The following DDX39B variants were observed in gnomAD, a reference collection of about 807,000 sequenced individuals.
DDX39B encodes spliceosome RNA helicase DDX39B.
A neutral mutation model predicts 46.4 loss-of-function variants in DDX39B; 6 were observed. The observed-to-expected ratio is 0.13, with a 90% CI of 0.07 to 0.26. The LOEUF (loss-of-function observed/expected upper bound fraction) is 0.26. Among genes scored for constraint, DDX39B ranks in the 10% least tolerant of loss-of-function variants. DDX39B has a pLI of 1.00. For synonymous variants in DDX39B, 174 were observed against 199.4 expected, an observed-to-expected ratio of 0.87 and a Z score of 1.07; for missense variants, 185 against 553.4, an observed-to-expected ratio of 0.33 and a Z score of 6.68.
rs1227894921 is a variant in DDX39B, at chr6:31,535,548, G to C, written c.617-63C>G. 6 of 1,323,320 alleles carry C rather than the reference G, an allele frequency of 4.5e-6. No individual in the cohort carries two copies. The highest frequency in any genetic ancestry group is 1.2e-5 in the South Asian group (1 of 81,458). 82.0% of individuals were successfully genotyped at this position (1,323,320 alleles called of 1,614,324 possible). On this transcript the variant is annotated intron_variant, in intron 5 of 10. Coordinates refer to ENST00000396172, the MANE Select transcript of DDX39B (RefSeq NM_004640.7). This position sits in a 1 kb window ranked among gnomAD's most constrained non-coding sequence, Gnocchi z 4.6. The stretch of plus-strand genomic sequence containing the variant: ...GCAGGTATGATAAACAAAGATTAGA[G>C]GTAGACTTCCCAGTGAGGTGAAGAT...
intron 1 of DDX39B, chr6:31,540,918 C>A: frequency 2.5e-6 from 1 of 399,756 alleles, no homozygotes; most frequent in Non-Finnish European, 4.7e-6. Flanking sequence ...AGGGGAAGAC[C>A]AACTTATAAA....
In DDX39B at chr6:31,531,830, T is replaced by TA. The variant is rs1295518400; in HGVS notation, c.868-426_868-425insT. The TA allele has an allele frequency of 7.6e-5, 13 of 171,494 alleles. No individual in the cohort carries two copies. The East Asian group carries it at 2.0e-3, about 26-fold the overall frequency. The allele number at this position is 171,494 out of a possible 1,614,324, so 10.6% of individuals were successfully genotyped here. The stretch of plus-strand genomic sequence containing the variant: ...CTCACAAGTATATTAATTAAACACT[T>TA]TTTTGAGATGGGGTCTCACTCTGTC... On this transcript the variant is annotated intron_variant, in intron 7 of 10. Transcript: ENST00000396172. This position sits in a 1 kb window ranked among gnomAD's most constrained non-coding sequence, Gnocchi z 5.8.
chr6:31,539,702 C>T (rs1455286562), intron 2 of DDX39B, among the ~76,000 whole-genome samples: 1 of 152,146 alleles, frequency 6.6e-6, no homozygotes, highest in African/African-American at 2.4e-5. Context: ...GGTACCTGAC[C>T]CAGAAGCCAG....
In DDX39B at chr6:31,530,421, A is replaced by ATGGGCGAGTCTTCTACCGTG. The variant is rs1232964112; in HGVS notation, c.1280_*12dup. 1.2e-6 allele frequency: 2 copies of ATGGGCGAGTCTTCTACCGTG among 1,612,790 alleles called. No individual in the cohort carries two copies. Among genetic ancestry groups the ATGGGCGAGTCTTCTACCGTG allele is most frequent in the East Asian group, 4.5e-5 (2 of 44,886 alleles). ...GAAGGACAGACGGTCACATTCCAAAATGGGCGAGTCTTCTACCGTGTCTGT... is the reference window on the plus strand; with the variant it reads ...GAAGGACAGACGGTCACATTCCAAAATGGGCGAGTCTTCTACCGTGTGGGCGAGTCTTCTACCGTGTCTGT... On this transcript the variant is annotated 3_prime_UTR_variant, in exon 11 of 11. Transcript: ENST00000396172. This position sits in a 1 kb window ranked among gnomAD's most constrained non-coding sequence, Gnocchi z 4.5.
In DDX39B at chr6:31,534,573, C is replaced by T. The variant is rs1409588373; in HGVS notation, c.735+794G>A. On this transcript the variant is annotated intron_variant, in intron 6 of 10. Coordinates refer to ENST00000396172, the MANE Select transcript of DDX39B (RefSeq NM_004640.7). The surrounding 1 kb of genome is among the most constrained non-coding windows in gnomAD (Gnocchi z 5.1). Reference sequence around the variant, plus strand: ...ATCTACCACCCCATTCAGGACACCCCTCCCCAACACATATTGGGGGAAACG... The same window carrying T: ...ATCTACCACCCCATTCAGGACACCCTTCCCCAACACATATTGGGGGAAACG... 4.4e-6 allele frequency: 2 copies of T among 457,864 alleles called. No homozygotes were observed. Among genetic ancestry groups the T allele is most frequent in the South Asian group, 1.6e-5 (1 of 63,020 alleles). 28.4% of individuals were successfully genotyped at this position (457,864 alleles called of 1,614,324 possible). A position where few individuals can be genotyped will look rare whatever the true frequency, so the allele number is the denominator to read the frequency against.
intron 4 of DDX39B, among the ~76,000 whole-genome samples, chr6:31,537,680 A>T (rs1431393951): frequency 3.3e-5 from 5 of 152,032 alleles, no homozygotes. Flanking sequence ...TTCTGGTTTC[A>T]AGGGGGAAAA....
rs1298107342 is a variant in DDX39B at position 31,532,927 on chromosome 6, G to A, written c.736-16C>T. 1 of 1,241,738 alleles carries A rather than the reference G, an allele frequency of 8.1e-7. No homozygotes were observed. The allele number at this position is 1,241,738 out of a possible 1,614,324, so 76.9% of individuals were successfully genotyped here. ...TCTCCATTGGCTGGGGGGGAGGAAG[G>A]GGGTGGGGAACGGGAGGAGGGCAGA... On this transcript the variant is annotated splice_polypyrimidine_tract_variant and intron_variant, in intron 6 of 10. Transcript: ENST00000396172.
In DDX39B at chr6:31,535,254, G is replaced by C. The variant is rs1345166418; in HGVS notation, c.735+113C>G. ...TCAAGGAGTCATTACTCCCAGTTGG[G>C]CACAAGCCGCCTTCTTGGCACTTGA... is the stretch of plus-strand genomic sequence containing the variant. On this transcript the variant is annotated intron_variant, in intron 6 of 10. Coordinates refer to ENST00000396172, the MANE Select transcript of DDX39B (RefSeq NM_004640.7). The surrounding 1 kb of genome is among the most constrained non-coding windows in gnomAD (Gnocchi z 4.6). 9.7e-7 allele frequency: 1 copy of C among 1,026,274 alleles called. No individual in the cohort carries two copies. The highest frequency in any genetic ancestry group is 1.6e-5 in the African/African-American group (1 of 63,636). 63.6% of individuals were successfully genotyped at this position (1,026,274 alleles called of 1,614,324 possible).
intron 1 of DDX39B, 130 bp downstream of exon 1, chr6:31,541,820 G>A (rs779792239): frequency 4.6e-5 from 30 of 655,372 alleles, no homozygotes; most frequent in Admixed American, 4.2e-4. Flanking sequence ...TGCAAGCTAA[G>A]GAAATAGCGA....
In DDX39B at chr6:31,535,334, G is replaced by A. The variant is rs775204872; in HGVS notation, c.735+33C>T. 2.5e-6 allele frequency: 4 copies of A among 1,591,728 alleles called. No individual in the cohort carries two copies. The highest frequency in any genetic ancestry group is 1.1e-5 in the South Asian group (1 of 90,636). ...GGAAGGGGAGGAGGCAGCGGGCGGGGAGTGGAGGGAGAGAAGGTAGAAGGG... is the reference window on the plus strand; with the variant it reads ...GGAAGGGGAGGAGGCAGCGGGCGGGAAGTGGAGGGAGAGAAGGTAGAAGGG... On this transcript the variant is annotated intron_variant, in intron 6 of 10. Coordinates refer to ENST00000396172, the MANE Select transcript of DDX39B (RefSeq NM_004640.7). The surrounding 1 kb of genome is among the most constrained non-coding windows in gnomAD (Gnocchi z 4.6).
chr6:31,539,384 T>C, intron 2 of DDX39B, 110 bp from the exon 3 acceptor site: 1 of 1,486,322 alleles, frequency 6.7e-7, no homozygotes, highest in Non-Finnish European at 9.0e-7. Flanking sequence ...AAGTCTAGTA[T>C]TTACCTGGTT....
intron 2 of DDX39B, 100 bp from the exon 3 acceptor site, chr6:31,539,374 A>T (rs1380020498): frequency 1.3e-6 from 2 of 1,521,090 alleles, no homozygotes; most frequent in Non-Finnish European, 1.8e-6. Context: ...TCAATTCTCA[A>T]AGTCTAGTAT....
rs1220017461 is a variant in DDX39B, at chr6:31,530,408, G to T, written c.*26C>A. The T allele has an allele frequency of 1.9e-6, 3 of 1,612,696 alleles. No individual in the cohort carries two copies. Among genetic ancestry groups the T allele is most frequent in the Non-Finnish European group, 1.7e-6 (2 of 1,179,830 alleles). ...GGTGTCCTCTCCTGAAGGACAGACG[G>T]TCACATTCCAAAATGGGCGAGTCTT... is the stretch of plus-strand genomic sequence containing the variant. On this transcript the variant is annotated 3_prime_UTR_variant, in exon 11 of 11. Coordinates refer to ENST00000396172, the MANE Select transcript of DDX39B (RefSeq NM_004640.7). The surrounding 1 kb of genome is among the most constrained non-coding windows in gnomAD (Gnocchi z 4.5).
chr6:31,540,619 T>C lies in DDX39B; in HGVS notation c.-87A>G. 1 of 1,255,602 alleles carries C rather than the reference T, an allele frequency of 8.0e-7. No homozygotes were observed. 77.8% of individuals were successfully genotyped at this position (1,255,602 alleles called of 1,614,324 possible). A position where few individuals can be genotyped will look rare whatever the true frequency, so the allele number is the denominator to read the frequency against. ...AAACAAGGGGTGAAGAGTAGGGGAT[T>C]GAGGAACAGCAAAGGAAAACAAAGA... On this transcript the variant is annotated 5_prime_UTR_variant, in exon 2 of 11. Coordinates refer to ENST00000396172, the MANE Select transcript of DDX39B (RefSeq NM_004640.7).
intron 4 of DDX39B, among the ~76,000 whole-genome samples, chr6:31,537,369 T>C (rs1182220391): frequency 6.6e-6 from 1 of 152,044 alleles, no homozygotes; most frequent in Non-Finnish European, 1.5e-5. Context: ...GAGATTGCAG[T>C]GAGGCGAGAT....
At chr6:31,538,982 T>C (rs1239524943) in intron 3 of DDX39B, 127 bp from the exon 4 acceptor site, 4 of 1,489,534 alleles carry the variant, frequency 2.7e-6, no homozygotes, top group African/African-American at 2.8e-5. Flanking sequence ...ATCTAAATCA[T>C]GAACCCCACG....
rs1455998880 is a variant in DDX39B, at chr6:31,541,980, A to T, written c.-163T>A. On this transcript the variant is annotated 5_prime_UTR_variant, in exon 1 of 11. Transcript: ENST00000396172. ...CAGGGAGAGCGCGTATGGCGGCAGC[A>T]ACAGCGACGAAGGAGGGAAATCTGC... 1.5e-6 allele frequency: 1 copy of T among 676,522 alleles called. No homozygotes were observed. Among genetic ancestry groups the T allele is most frequent in the Non-Finnish European group, 2.7e-6 (1 of 365,416 alleles). 41.9% of individuals were successfully genotyped at this position (676,522 alleles called of 1,614,324 possible).
chr6:31,538,657 C>T (rs1768055042), intron 4 of DDX39B, 106 bp downstream of exon 4: 1 of 1,056,184 alleles, frequency 9.5e-7, no homozygotes, highest in East Asian at 2.4e-5. Context: ...TGTTACACCA[C>T]AGCAAACTAA....
In DDX39B at chr6:31,530,484, C is replaced by A. The variant is rs768488651; in HGVS notation, c.1271-34G>T. The A allele has an allele frequency of 1.9e-6, 3 of 1,612,450 alleles. No homozygotes were observed. In the Admixed American group the frequency reaches 5.0e-5, roughly 27 times the overall value. On this transcript the variant is annotated intron_variant, in intron 10 of 10. Transcript: ENST00000396172. This position sits in a 1 kb window ranked among gnomAD's most constrained non-coding sequence, Gnocchi z 4.5. ...AAAACGTAGCATGGTCAGAATAAGGCATGAAAAGGGGAAAGTGAGGCAGGA... is the reference window on the plus strand; with the variant it reads ...AAAACGTAGCATGGTCAGAATAAGGAATGAAAAGGGGAAAGTGAGGCAGGA...
Sources: gnomAD v4.1 joint callset for allele counts (sites outside exome capture counted in the v4.1 genomes callset) on GRCh38, gnomAD v4.1.1 for gene constraint, Gnocchi (gnomAD v3.1) non-coding constraint, MANE v1.5 for transcripts, NCBI Gene and HGNC (gene_info 2026-07-23, HGNC 2026-07-21) for gene names.